TENM1: variants seen among roughly 807,000 people sequenced by gnomAD.
TENM1 encodes teneurin transmembrane protein 1, also known as teneurin-1.
TENM1 carries 35 observed loss-of-function variants against 174.8 expected under a neutral mutation model. The ratio of observed to expected loss-of-function variants is 0.20; its 90% CI spans 0.15 to 0.27. The LOEUF is 0.27. TENM1 is among the 10% of genes least tolerant of loss of function. The probability of loss-of-function intolerance (pLI) is 1.00; values close to 1 mark genes in which losing one functional copy is unlikely to be tolerated. For synonymous variants in TENM1, 781 were observed against 798.7 expected, an observed-to-expected ratio of 0.98 and a Z score of 0.37; for missense variants, 1,633 against 2,130.1, an observed-to-expected ratio of 0.77 and a Z score of 4.59.
chrX:124,969,587 C>T, the TENM1 span, among the ~76,000 whole-genome samples: 1 of 112,240 alleles, frequency 8.9e-6, no homozygotes, highest in Non-Finnish European at 1.9e-5. Context: ...TCATTTAATT[C>T]TTGTAGCACC....
In TENM1 at chrX:124,382,670, CT is replaced by C; in HGVS notation, c.7439del (p.Lys2480ArgfsTer25). ...AGGAGGTGATAAAACTTTTACTAAC[CT>C]TTCCAGGATCCCACTCTTGAGTTTT... On this transcript the variant is annotated frameshift_variant and splice_region_variant, in exon 31 of 32. Transcript: ENST00000422452. LOFTEE classifies it high-confidence loss of function. 8.3e-7 allele frequency: 1 copy of C among 1,203,642 alleles called. No individual in the cohort carries two copies. The highest frequency in any genetic ancestry group is 2.2e-5 in the Admixed American group (1 of 44,725).
chrX:124,754,528 A>G (rs2054175420), intron 3 of TENM1, among the ~76,000 whole-genome samples: 1 of 110,872 alleles, frequency 9.0e-6, no homozygotes, highest in Non-Finnish European at 1.9e-5. Flanking sequence ...GCCTTCTGCT[A>G]GCTTTTGAAT....
chrX:124,894,263 A>G (rs1227223753), intron 3 of TENM1, 33 bp downstream of exon 6: 2 of 1,156,953 alleles, frequency 1.7e-6, no homozygotes, highest in South Asian at 3.7e-5. Context: ...TGAAGTAAAA[A>G]TAATTTGTGA....
intron 6 of TENM1, among the ~76,000 whole-genome samples, chrX:124,654,214 G>A (rs754838972): frequency 8.9e-6 from 1 of 112,246 alleles, no homozygotes; most frequent in African/African-American, 3.2e-5. Flanking sequence ...TTGGTTGGAG[G>A]ATACTCCTCA....
At chrX:124,756,763 C>G (rs1389116228) in intron 3 of TENM1, among the ~76,000 whole-genome samples, 1 of 110,537 alleles carries the variant, frequency 9.0e-6, no homozygotes, top group Non-Finnish European at 1.9e-5. Context: ...CACTCCAGAC[C>G]CTGTTTGCCT....
chrX:124,757,278 G>T (rs2054281786), intron 3 of TENM1, among the ~76,000 whole-genome samples: 1 of 112,475 alleles, frequency 8.9e-6, no homozygotes, highest in South Asian at 3.7e-4. Flanking sequence ...AGACTCCGTG[G>T]GCGTAGGACC....
the TENM1 span, among the ~76,000 whole-genome samples, chrX:125,127,497 T>C: frequency 2.7e-5 from 3 of 111,830 alleles, no homozygotes; most frequent in Admixed American, 1.9e-4. Context: ...AGAATTAGGA[T>C]AGTATTGTGC....
At chrX:124,661,283 C>T (rs755033787) in intron 6 of TENM1, among the ~76,000 whole-genome samples, 22 of 111,618 alleles carry the variant, frequency 2.0e-4, no homozygotes, top group African/African-American at 3.3e-4. Context: ...CTCTGAATTG[C>T]GCACTTTAAA....
intron 3 of TENM1, among the ~76,000 whole-genome samples, chrX:124,807,916 C>CACACACACACACACACAA (rs746369843): frequency 7.5e-5 from 8 of 106,908 alleles, no homozygotes; most frequent in African/African-American, 2.4e-4. Context: ...CACACACACA[C>CACACACACACACACACAA]ACAGAGGAAG....
intron 3 of TENM1, among the ~76,000 whole-genome samples, chrX:124,755,386 G>A (rs946737733): frequency 9.0e-6 from 1 of 111,142 alleles, no homozygotes; most frequent in African/African-American, 3.3e-5. Flanking sequence ...GTGTGTCTCT[G>A]CCTGTGAGAT....
chrX:124,818,908 C>T (rs1395229501), intron 3 of TENM1, among the ~76,000 whole-genome samples: 1 of 111,363 alleles, frequency 9.0e-6, no homozygotes, highest in Non-Finnish European at 1.9e-5. Flanking sequence ...GGTCAGTACA[C>T]AACAGAAAGC....
intron 3 of TENM1, among the ~76,000 whole-genome samples, chrX:124,760,338 C>T (rs775112170): frequency 2.1e-4 from 23 of 111,708 alleles, no homozygotes; most frequent in Non-Finnish European, 2.8e-4. Context: ...GGTTGGTTTC[C>T]GGTGACGGCT....
At chrX:125,051,413 T>C in the TENM1 span, among the ~76,000 whole-genome samples, 10 of 110,080 alleles carry the variant, frequency 9.1e-5, no homozygotes, top group Non-Finnish European at 1.9e-4. Flanking sequence ...AGAACAAAGC[T>C]GGAGGCATCA....
chrX:124,945,688 C>T (rs182046491), intron 1 of TENM1, among the ~76,000 whole-genome samples: 1 of 110,963 alleles, frequency 9.0e-6, no homozygotes, highest in East Asian at 2.9e-4. Flanking sequence ...CAGAAAAAGT[C>T]GGAGGAGCAG....
intron 1 of TENM1, among the ~76,000 whole-genome samples, chrX:124,930,933 AG>A (rs2058160658): frequency 9.0e-6 from 1 of 111,665 alleles, no homozygotes; most frequent in African/African-American, 3.3e-5. Context: ...TTAAACAATG[AG>A]GGGGCATCAA....
rs377212002 is a variant in TENM1, at chrX:124,826,695, TC to T, written c.535+67600del. 6.6e-3 allele frequency among the ~76,000 whole-genome samples: 738 copies of T among 111,801 alleles called. 4 individuals carry two copies. Among genetic ancestry groups the T allele is most frequent in the African/African-American group, 0.022 (681 of 30,769 alleles). ...CTTTCTGGGTTGTGACAGAATAGTTTCCCCCCTTGCATTTTTATATTTTTCT... is the reference window on the plus strand; with the variant it reads ...CTTTCTGGGTTGTGACAGAATAGTTTCCCCCTTGCATTTTTATATTTTTCT... On this transcript the variant is annotated intron_variant, in intron 3 of 31. Coordinates refer to ENST00000422452, the Ensembl canonical transcript of TENM1.
the TENM1 span, among the ~76,000 whole-genome samples, chrX:125,149,370 C>T: frequency 0.37 from 41,142 of 110,722 alleles, 5,646 homozygotes; most frequent in Admixed American, 0.52. Context: ...CACATTGTAT[C>T]TATCTATACT....
intron 11 of TENM1, among the ~76,000 whole-genome samples, chrX:124,571,190 C>A: frequency 9.0e-6 from 1 of 111,413 alleles, no homozygotes; most frequent in Non-Finnish European, 1.9e-5. Flanking sequence ...AATCAATAAA[C>A]AAAAAGATAA....
intron 3 of TENM1, among the ~76,000 whole-genome samples, chrX:124,847,861 C>G (rs1474692517): frequency 1.8e-5 from 2 of 111,309 alleles, no homozygotes; most frequent in Non-Finnish European, 1.9e-5. Context: ...TACAAAATAT[C>G]CTTTGGCATT....
Sources: allele counts gnomAD v4.1 joint callset (sites outside exome capture counted in the v4.1 genomes callset), GRCh38; gene constraint gnomAD v4.1.1; transcripts MANE v1.5; gene names NCBI Gene and HGNC (gene_info 2026-07-23, HGNC 2026-07-21).